Variants in CMSS1 observed in about 807,000 individuals in gnomAD.
The protein encoded by CMSS1 is protein CMSS1.
CMSS1 carries 33 observed loss-of-function variants against 43.5 expected under a neutral mutation model. That is an observed-to-expected ratio of 0.76 (90% CI 0.57 to 1.01). The LOEUF is 1.01. Ranked by LOEUF, CMSS1 falls within the 50% of genes least tolerant of loss-of-function variation. The pLI is 0.00. For synonymous variants in CMSS1, 115 were observed against 117.2 expected, an observed-to-expected ratio of 0.98 and a Z score of 0.12; for missense variants, 313 against 326.4, an observed-to-expected ratio of 0.96 and a Z score of 0.32.
At chr3:100,168,628 A>G (rs549822276) in intron 6 of CMSS1, among the ~76,000 whole-genome samples, 11 of 152,224 alleles carry the variant, frequency 7.2e-5, no homozygotes, top group African/African-American at 2.6e-4. Flanking sequence ...ACAATCAAAA[A>G]TGTATACCAT....
intron 1 of CMSS1, among the ~76,000 whole-genome samples, chr3:100,064,955 A>G (rs1042755257): frequency 6.6e-6 from 1 of 152,214 alleles, no homozygotes; most frequent in Non-Finnish European, 1.5e-5. Context: ...ATATCTACTA[A>G]CATATGTTAA....
intron 1 of CMSS1, among the ~76,000 whole-genome samples, chr3:100,072,016 G>A (rs148579092): frequency 7.9e-5 from 12 of 152,294 alleles, no homozygotes; most frequent in Non-Finnish European, 1.5e-4. Context: ...AGTTGTCTCC[G>A]TGGCAAAGTA....
chr3:100,116,564 G>A (rs1161299425), intron 1 of CMSS1, among the ~76,000 whole-genome samples: 1 of 152,108 alleles, frequency 6.6e-6, no homozygotes, highest in Non-Finnish European at 1.5e-5. Flanking sequence ...AAGATCTGGG[G>A]ATTGCGTGAG....
rs940506590 is a variant in CMSS1, at chr3:99,848,149, T to C, written c.64+30106T>C. The C allele has an allele frequency of 4.0e-6, 6 of 1,516,790 alleles. No individual in the cohort carries two copies. The East Asian group carries it at 1.4e-4, about 35-fold the overall frequency. 94.0% of individuals were successfully genotyped at this position (1,516,790 alleles called of 1,614,324 possible). On this transcript the variant is annotated intron_variant, in intron 1 of 9. Coordinates refer to ENST00000421999, the MANE Select transcript of CMSS1 (RefSeq NM_032359.4). ...ACAGTTAGTTTCAGATACTCTTGTA[T>C]AGTTCATGCACAAACCTTCCCAAAG...
intron 6 of CMSS1, among the ~76,000 whole-genome samples, chr3:100,171,201 T>C (rs1022598304): frequency 1.3e-5 from 2 of 152,062 alleles, no homozygotes; most frequent in African/African-American, 2.4e-5. Flanking sequence ...TTTCCTTCCT[T>C]CTTTGCTTCC....
At chr3:100,140,733 G>A (rs1003182019) in intron 1 of CMSS1, among the ~76,000 whole-genome samples, 20 of 151,988 alleles carry the variant, frequency 1.3e-4, no homozygotes, top group African/African-American at 4.8e-4. Context: ...TCTGAGGCCT[G>A]AGCTTATGCA....
At chr3:99,898,963 T>G (rs186991056) in intron 1 of CMSS1, among the ~76,000 whole-genome samples, 1 of 152,244 alleles carries the variant, frequency 6.6e-6, no homozygotes, top group Admixed American at 6.5e-5. Context: ...ATTAGATACT[T>G]ATTAATACCA....
At chr3:99,862,809 G>C (rs1453645624) in intron 1 of CMSS1, among the ~76,000 whole-genome samples, 3 of 152,088 alleles carry the variant, frequency 2.0e-5, no homozygotes, top group Non-Finnish European at 2.9e-5. Context: ...ATCAGCCACT[G>C]TCTTCCATTT....
Position 99,818,885 on chromosome 3 carries a change from C to T in CMSS1, c.64+842C>T, listed in dbSNP as rs75893824. On this transcript the variant is annotated intron_variant, in intron 1 of 9. Coordinates refer to ENST00000421999, the MANE Select transcript of CMSS1 (RefSeq NM_032359.4). The stretch of plus-strand genomic sequence containing the variant: ...GCGTTAAGTGACCCCCCATGTCAGG[C>T]TAGCCTTGAACTTTTTAAGTTCCAT... Among the ~76,000 whole-genome samples the T allele has an allele frequency of 7.4e-3, 1,122 of 152,324 alleles. 61 individuals are homozygous for T. In the East Asian group the frequency reaches 0.13, roughly 18 times the overall value.
intron 1 of CMSS1, chr3:99,848,840 T>A: frequency 1.9e-6 from 3 of 1,614,152 alleles, no homozygotes; most frequent in Non-Finnish European, 2.5e-6. Flanking sequence ...AGGATGGTTA[T>A]CCTTTGCTTT....
intron 1 of CMSS1, among the ~76,000 whole-genome samples, chr3:99,962,923 G>A (rs924737052): frequency 1.6e-4 from 25 of 152,292 alleles, no homozygotes; most frequent in South Asian, 6.2e-4. Flanking sequence ...GTTCATGGCC[G>A]AGATAAATAA....
At chr3:100,174,629 AAGAGAATAGTCCC>A (rs1168586521) in intron 8 of CMSS1, among the ~76,000 whole-genome samples, 1 of 152,340 alleles carries the variant, frequency 6.6e-6, no homozygotes, top group Admixed American at 6.5e-5. Flanking sequence ...AAAGTGTTTA[AAGAGAATAGTCCC>A]AGCACCCTAA....
At chr3:100,077,052 A>AT (rs1281543593) in intron 1 of CMSS1, among the ~76,000 whole-genome samples, 3 of 152,344 alleles carry the variant, frequency 2.0e-5, no homozygotes, top group Admixed American at 1.3e-4. Flanking sequence ...GTACGCTTAC[A>AT]TAAGCTTGTT....
chr3:99,852,378 T>C (rs2107531985), intron 1 of CMSS1, among the ~76,000 whole-genome samples: 1 of 152,366 alleles, frequency 6.6e-6, no homozygotes, highest in South Asian at 2.1e-4. Flanking sequence ...AATGCATGTC[T>C]ATCATCCTTA....
At chr3:100,170,211 C>G (rs2067098753) in intron 6 of CMSS1, among the ~76,000 whole-genome samples, 1 of 152,146 alleles carries the variant, frequency 6.6e-6, no homozygotes, top group African/African-American at 2.4e-5. Flanking sequence ...TAGCATGATT[C>G]ACTATTTTGC....
intron 1 of CMSS1, among the ~76,000 whole-genome samples, chr3:99,853,220 T>A (rs558354116): frequency 2.6e-5 from 4 of 152,250 alleles, no homozygotes. Context: ...GGCAAAGTGC[T>A]TCTTTCTCCT....
chr3:100,078,419 C>T (rs1394614533), intron 1 of CMSS1, among the ~76,000 whole-genome samples: 1 of 152,028 alleles, frequency 6.6e-6, no homozygotes, highest in Non-Finnish European at 1.5e-5. Context: ...TGTCTTAATT[C>T]TCTATTGCTA....
intron 1 of CMSS1, among the ~76,000 whole-genome samples, chr3:100,097,035 C>T (rs2066221849): frequency 6.6e-6 from 1 of 152,246 alleles, no homozygotes; most frequent in South Asian, 2.1e-4. Context: ...GGAACCAGGC[C>T]ACAAAGCAGG....
chr3:99,931,214 C>A (rs1229698139), intron 1 of CMSS1, among the ~76,000 whole-genome samples: 1 of 152,084 alleles, frequency 6.6e-6, no homozygotes, highest in Non-Finnish European at 1.5e-5. Context: ...ATTTGCACTT[C>A]TGCTTTTAAA....
Sources: allele counts gnomAD v4.1 joint callset (sites outside exome capture counted in the v4.1 genomes callset), GRCh38; gene constraint gnomAD v4.1.1; transcripts MANE v1.5; gene names NCBI Gene and HGNC (gene_info 2026-07-23, HGNC 2026-07-21).